PTPRM: variants seen among roughly 807,000 people sequenced by gnomAD.
PTPRM encodes protein tyrosine phosphatase receptor type M.
PTPRM carries 47 observed loss-of-function variants against 186.7 expected under a neutral mutation model. The observed-to-expected ratio is 0.25, with a 90% CI of 0.20 to 0.32. The LOEUF is 0.32. PTPRM is among the 10% of genes least tolerant of loss of function. The probability of loss-of-function intolerance (pLI) is 1.00; values close to 1 mark genes in which losing one functional copy is unlikely to be tolerated. For synonymous variants in PTPRM, 668 were observed against 674.9 expected (o/e 0.99, Z 0.16); for missense variants, 1,494 against 1,865.0 (o/e 0.80, Z 3.66).
intron 11 of PTPRM, among the ~76,000 whole-genome samples, chr18:8,108,890 C>A (rs1568354792): frequency 6.6e-6 from 1 of 152,134 alleles, no homozygotes. Context: ...AATGGTAGGA[C>A]AGGGCTAGGG....
intron 19 of PTPRM, among the ~76,000 whole-genome samples, chr18:8,263,387 G>A (rs57965641): frequency 0.12 from 17,574 of 152,170 alleles, 1,056 homozygotes; most frequent in Middle Eastern, 0.21. Flanking sequence ...AGGATAACAG[G>A]TGTGAGCCAC....
At chr18:7,640,497 A>AAT (rs1395665810) in intron 1 of PTPRM, among the ~76,000 whole-genome samples, 7 of 151,888 alleles carry the variant, frequency 4.6e-5, no homozygotes, top group Admixed American at 1.3e-4. Context: ...AGTAAACTAA[A>AAT]ATATATATAT....
At chr18:8,085,423 A>G (rs1160405255) in intron 9 of PTPRM, among the ~76,000 whole-genome samples, 1 of 152,182 alleles carries the variant, frequency 6.6e-6, no homozygotes, top group Non-Finnish European at 1.5e-5. Context: ...TCAAAGTATT[A>G]GCTTAACCCC....
intron 1 of PTPRM, among the ~76,000 whole-genome samples, chr18:7,625,101 G>A (rs1238440392): frequency 1.3e-5 from 2 of 152,160 alleles, no homozygotes; most frequent in African/African-American, 2.4e-5. Flanking sequence ...GTCAGGGAGC[G>A]TATATATTTA....
At chr18:7,776,830 T>C (rs2042607154) in intron 2 of PTPRM, among the ~76,000 whole-genome samples, 1 of 152,194 alleles carries the variant, frequency 6.6e-6, no homozygotes, top group Non-Finnish European at 1.5e-5. Context: ...GGAGTTACAT[T>C]CTCAAAGCAC....
chr18:8,369,776 C>G (rs1365151104), intron 23 of PTPRM, among the ~76,000 whole-genome samples: 2 of 151,920 alleles, frequency 1.3e-5, no homozygotes, highest in Admixed American at 6.6e-5. Context: ...CATAGCAAGA[C>G]CCCATTGCTA....
At chr18:8,156,086 C>T (rs1165531599) in intron 14 of PTPRM, among the ~76,000 whole-genome samples, 5 of 152,130 alleles carry the variant, frequency 3.3e-5, no homozygotes, top group Admixed American at 2.0e-4. Context: ...AATTAGCTGC[C>T]GTCCTTCAGG....
At chr18:7,814,891 T>A (rs1291521179) in intron 2 of PTPRM, 1 of 152,230 alleles carries the variant, frequency 6.6e-6, no homozygotes, top group Non-Finnish European at 1.5e-5. Flanking sequence ...TTCTTTTAAA[T>A]AAGTACAGAA....
intron 7 of PTPRM, among the ~76,000 whole-genome samples, chr18:7,962,934 AG>A (rs2147197097): frequency 6.6e-6 from 1 of 152,362 alleles, no homozygotes; most frequent in East Asian, 1.9e-4. Context: ...GTTATTCGGA[AG>A]GCATAAAGGC....
At chr18:7,764,795 G>A (rs1050781302) in intron 1 of PTPRM, among the ~76,000 whole-genome samples, 3 of 152,190 alleles carry the variant, frequency 2.0e-5, no homozygotes, top group Admixed American at 6.5e-5. Flanking sequence ...TTAGTTTGAC[G>A]ATCTTCTCCC....
intron 14 of PTPRM, among the ~76,000 whole-genome samples, chr18:8,188,381 G>C (rs1285777596): frequency 6.6e-6 from 1 of 152,214 alleles, no homozygotes; most frequent in Non-Finnish European, 1.5e-5. Flanking sequence ...TCATTTTGAA[G>C]CAAGCTCCCT....
At position 8,247,899 on chromosome 18, in the gene PTPRM, T is replaced by C. The variant is rs1289709560; in HGVS notation, c.2507T>C (p.Val836Ala). 6.2e-7 allele frequency: 1 copy of C among 1,600,276 alleles called. No homozygotes were observed. Among genetic ancestry groups the C allele is most frequent in the Non-Finnish European group, 8.6e-7 (1 of 1,167,478 alleles). ...TMKTNTLSTS[V>A]PNSYYPDPFV... Reference sequence around the variant, plus strand: ...AAAACAAATACACTGAGCACATCGGTGCCTAATTCCTATTACCCAGGTAAC... The same window carrying C: ...AAAACAAATACACTGAGCACATCGGCGCCTAATTCCTATTACCCAGGTAAC... Residue 836 changes from valine to alanine, a missense_variant, in exon 16 of 33, where the codon GTG becomes GCG. Physicochemically the swap from Val to Ala is moderately conservative, Grantham distance 64. This residue lies in a region of PTPRM where 1,107 missense variants were observed against 1,350.2 expected (regional missense o/e 0.82). Transcript: ENST00000580170.
At position 8,184,491 on chromosome 18, in the gene PTPRM, A is replaced by G. The variant is rs112340059; in HGVS notation, c.2300+40712A>G. Among the ~76,000 whole-genome samples the G allele has an allele frequency of 6.5e-3, 983 of 152,208 alleles. 9 individuals carry two copies. The highest frequency in any genetic ancestry group is 0.022 in the African/African-American group (895 of 41,550). On this transcript the variant is annotated intron_variant, in intron 14 of 32. Transcript: ENST00000580170. ...AGATGAGTGAGGTTGCACAGACCCCACTGGACTGTTGGGTGGAGAAGAGAA... is the reference window on the plus strand; with the variant it reads ...AGATGAGTGAGGTTGCACAGACCCCGCTGGACTGTTGGGTGGAGAAGAGAA...
At chr18:8,123,281 T>C (rs2092238631) in intron 13 of PTPRM, among the ~76,000 whole-genome samples, 1 of 152,216 alleles carries the variant, frequency 6.6e-6, no homozygotes, top group African/African-American at 2.4e-5. Context: ...AGAAACTACT[T>C]TCTATATGAT....
intron 19 of PTPRM, among the ~76,000 whole-genome samples, chr18:8,279,493 C>T (rs1200181127): frequency 6.6e-6 from 1 of 152,158 alleles, no homozygotes. Context: ...CCGGAGTAAG[C>T]TCCCTGGACT....
intron 14 of PTPRM, among the ~76,000 whole-genome samples, chr18:8,204,499 G>GA (rs565682935): frequency 4.6e-4 from 68 of 148,076 alleles, no homozygotes; most frequent in South Asian, 2.6e-3. Context: ...AAAGAGGAAA[G>GA]AAAAAAAAAA....
At chr18:8,091,526 G>A (rs1354048135) in intron 11 of PTPRM, among the ~76,000 whole-genome samples, 2 of 151,942 alleles carry the variant, frequency 1.3e-5, no homozygotes, top group Non-Finnish European at 2.9e-5. Context: ...ATCTTAAATG[G>A]GTAAATCGTG....
intron 1 of PTPRM, among the ~76,000 whole-genome samples, chr18:7,586,383 C>A (rs2036980793): frequency 6.6e-6 from 1 of 152,070 alleles, no homozygotes; most frequent in Non-Finnish European, 1.5e-5. Flanking sequence ...GAACATCAGT[C>A]CTTAGGCACT....
intron 2 of PTPRM, among the ~76,000 whole-genome samples, chr18:7,835,783 A>G (rs1299772565): frequency 1.3e-5 from 2 of 152,068 alleles, no homozygotes; most frequent in African/African-American, 4.8e-5. Context: ...CAATCATTAT[A>G]GCCTCTTGCT....
Sources: gnomAD v4.1 joint callset for allele counts (sites outside exome capture counted in the v4.1 genomes callset) on GRCh38, gnomAD v4.1.1 for gene constraint, gnomAD v4.1.1 regional missense constraint, MANE v1.5 for transcripts, NCBI Gene and HGNC (gene_info 2026-07-23, HGNC 2026-07-21) for gene names.